The following DENND11 variants were observed in gnomAD, a reference collection of about 807,000 sequenced individuals.
The protein encoded by DENND11 is DENN domain-containing protein 11.
Under a neutral mutation model 49.2 loss-of-function variants are expected in DENND11, and 34 were observed. The observed-to-expected ratio is 0.69, with a 90% CI of 0.53 to 0.92. DENND11 has a LOEUF of 0.92. Among genes scored for constraint, DENND11 ranks in the 40% least tolerant of loss-of-function variants. The pLI, the probability that DENND11 is intolerant of heterozygous loss-of-function variation, is 0.00. For missense variants in DENND11, 475 were observed against 581.6 expected (o/e 0.82, Z 1.88); for synonymous variants, 238 against 230.3 (o/e 1.03, Z -0.30).
rs1797726754 is a variant in DENND11, at chr7:141,658,135, A to T, written c.*4521T>A. Reference sequence around the variant, plus strand: ...TTACAAAACTGCCCATTTCTTCTAGAATAATAGTTTTAAAATTTCCTTCCA... The same window carrying T: ...TTACAAAACTGCCCATTTCTTCTAGTATAATAGTTTTAAAATTTCCTTCCA... On this transcript the variant is annotated 3_prime_UTR_variant, in exon 9 of 9. Transcript: ENST00000536163. 1 of 152,230 alleles carries T rather than the reference A, an allele frequency of 6.6e-6. No homozygotes were observed. Among genetic ancestry groups the T allele is most frequent in the African/African-American group, 2.4e-5 (1 of 41,458 alleles). 9.4% of individuals were successfully genotyped at this position (152,230 alleles called of 1,614,324 possible). A position where few individuals can be genotyped will look rare whatever the true frequency, so the allele number is the denominator to read the frequency against.
chr7:141,697,502 C>T (rs1209002201), intron 1 of DENND11, among the ~76,000 whole-genome samples: 1 of 152,206 alleles, frequency 6.6e-6, no homozygotes, highest in Non-Finnish European at 1.5e-5. Context: ...GCGAGACGTT[C>T]TGGCCGGATA....
intron 4 of DENND11, among the ~76,000 whole-genome samples, chr7:141,672,066 A>G (rs138191418): frequency 7.2e-5 from 11 of 152,346 alleles, no homozygotes; most frequent in Non-Finnish European, 1.3e-4. Flanking sequence ...TTTCCTTAGC[A>G]TGCACAGCAC....
At chr7:141,701,844 C>T (rs1175566692) in intron 1 of DENND11, 42 bp downstream of exon 1, 1 of 1,162,686 alleles carries the variant, frequency 8.6e-7, no homozygotes, top group Non-Finnish European at 1.1e-6. Flanking sequence ...CTCGGGGGCA[C>T]CCCGACCCTC....
At chr7:141,697,379 C>G (rs1172203251) in intron 1 of DENND11, among the ~76,000 whole-genome samples, 8 of 152,186 alleles carry the variant, frequency 5.3e-5, no homozygotes, top group African/African-American at 1.9e-4. Context: ...TCACCAACAG[C>G]CTGGGAAAGA....
rs561124428 is a variant in DENND11, at chr7:141,660,923, A to G, written c.*1733T>C. 1.2e-3 allele frequency: 190 copies of G among 152,746 alleles called. 2 individuals are homozygous for G. Among genetic ancestry groups the G allele is most frequent in the African/African-American group, 4.3e-3 (180 of 41,578 alleles). 9.5% of individuals were successfully genotyped at this position (152,746 alleles called of 1,614,324 possible). On this transcript the variant is annotated 3_prime_UTR_variant, in exon 9 of 9. Transcript: ENST00000536163. ...GAGGAGAAAAGTCTATTAGCTGTAC[A>G]GTTTACATTTCAATGCCCAAACTTA...
At chr7:141,669,966 T>G (rs1035949687) in intron 4 of DENND11, among the ~76,000 whole-genome samples, 2 of 150,920 alleles carry the variant, frequency 1.3e-5, no homozygotes, top group Non-Finnish European at 3.0e-5. Context: ...GCCCGCCACC[T>G]CGCCCGGCTA....
Position 141,666,440 on chromosome 7 carries a change from G to A in DENND11, c.682-15C>T, listed in dbSNP as rs948635864. 2 of 1,565,774 alleles carry A rather than the reference G, an allele frequency of 1.3e-6. No homozygotes were observed. The highest frequency in any genetic ancestry group is 1.2e-5 in the South Asian group (1 of 84,726). On this transcript the variant is annotated splice_polypyrimidine_tract_variant and intron_variant, in intron 4 of 8. Coordinates refer to ENST00000536163, the MANE Select transcript of DENND11 (RefSeq NM_001080392.2). ...GGGTGTGTGATCTGAAAAAATTGAG[G>A]GGAATAGGGAGGAGAAAGAGTGAGG...
At chr7:141,697,918 A>T (rs1798442235) in intron 1 of DENND11, among the ~76,000 whole-genome samples, 1 of 152,224 alleles carries the variant, frequency 6.6e-6, no homozygotes, top group African/African-American at 2.4e-5. Flanking sequence ...GCTGAGGAAC[A>T]GGTAGAAATT....
intron 1 of DENND11, among the ~76,000 whole-genome samples, chr7:141,699,119 T>C (rs773478309): frequency 3.3e-5 from 5 of 151,900 alleles, no homozygotes; most frequent in African/African-American, 7.3e-5. Context: ...CTAATTTTGG[T>C]AAAGAAGTCA....
rs1286236741 is a variant in DENND11 at position 141,664,961 on chromosome 7, G to A, written c.1046C>T (p.Pro349Leu). 1 of 1,613,676 alleles carries A rather than the reference G, an allele frequency of 6.2e-7. No individual in the cohort carries two copies. ...NVKTHHDHLQ[P>L]LLKINSADRE... ...GTCAGCACTGTTGATCTTCAGCAGCGGCTGCAGGTGGTCGTGGTGTGTCTT... is the reference window on the plus strand; with the variant it reads ...GTCAGCACTGTTGATCTTCAGCAGCAGCTGCAGGTGGTCGTGGTGTGTCTT... Residue 349 changes from proline to leucine, a missense_variant, in exon 7 of 9, where the codon CCG (proline) becomes CTG (leucine). Coordinates refer to ENST00000536163, the MANE Select transcript of DENND11 (RefSeq NM_001080392.2).
chr7:141,666,212 GTC>G, intron 5 of DENND11, 73 bp downstream of exon 5: 10 of 1,467,918 alleles, frequency 6.8e-6, no homozygotes, highest in African/African-American at 1.4e-5. Context: ...TCCAAACTTG[GTC>G]AGTGACAGAA....
rs3800989 is a variant in DENND11 at position 141,660,785 on chromosome 7, A to G, written c.*1871T>C. On this transcript the variant is annotated 3_prime_UTR_variant, in exon 9 of 9. Transcript: ENST00000536163. ...ACCCCTCAACCCTTGAGAGGCAAGA[A>G]GAGAGGGTTGCATGTAAAGGAGAAT... The G allele has an allele frequency of 0.48, 73,431 of 152,414 alleles. 17,873 individuals are homozygous for G. The highest frequency in any genetic ancestry group is 0.57 in the East Asian group (2,964 of 5,156). The allele number at this position is 152,414 out of a possible 1,614,324, so 9.4% of individuals were successfully genotyped here.
In DENND11 at chr7:141,674,225, A is replaced by G. The variant is rs1798029957; in HGVS notation, c.528-5T>C. On this transcript the variant is annotated splice_region_variant and splice_polypyrimidine_tract_variant and intron_variant, in intron 3 of 8. Transcript: ENST00000536163. The stretch of plus-strand genomic sequence containing the variant: ...CCTGGCATCTCCAACTGGTGCCTGC[A>G]GAAAAACACACACACACACACACAC... 6.5e-7 allele frequency: 1 copy of G among 1,536,856 alleles called. No homozygotes were observed. The highest frequency in any genetic ancestry group is 1.2e-5 in the South Asian group (1 of 81,434).
chr7:141,668,498 A>C (rs1381074692), intron 4 of DENND11, among the ~76,000 whole-genome samples: 1 of 152,228 alleles, frequency 6.6e-6, no homozygotes, highest in Non-Finnish European at 1.5e-5. Context: ...AGGCAGAAGA[A>C]TTGCTTGAAT....
chr7:141,678,552 CAAT>C (rs1204230184), intron 3 of DENND11, among the ~76,000 whole-genome samples: 1 of 152,156 alleles, frequency 6.6e-6, no homozygotes. Flanking sequence ...CATCTAGCTT[CAAT>C]AATATTTGAT....
intron 4 of DENND11, among the ~76,000 whole-genome samples, chr7:141,672,078 C>T (rs577540342): frequency 1.9e-3 from 296 of 152,352 alleles, no homozygotes; most frequent in African/African-American, 5.4e-3. Flanking sequence ...GCACAGCACA[C>T]GTGGAGCCAC....
chr7:141,693,258 T>C (rs1255190940), intron 1 of DENND11, among the ~76,000 whole-genome samples: 1 of 152,236 alleles, frequency 6.6e-6, no homozygotes, highest in Non-Finnish European at 1.5e-5. Context: ...TGATGTTGAC[T>C]ATTTTTTCAT....
rs550641318 is a variant in DENND11, at chr7:141,658,584, GC to G, written c.*4071del. The G allele has an allele frequency of 2.0e-5, 3 of 152,234 alleles. No homozygotes were observed. In the South Asian group the frequency reaches 6.2e-4, roughly 32 times the overall value. The allele number at this position is 152,234 out of a possible 1,614,324, so 9.4% of individuals were successfully genotyped here. ...TATTGGTCCCCATTCTAATTGTCTT[GC>G]CCATGTTAGACCTGTCATCACACTA... On this transcript the variant is annotated 3_prime_UTR_variant, in exon 9 of 9. Transcript: ENST00000536163.
At chr7:141,701,803 C>T (rs1335180658) in intron 1 of DENND11, 83 bp downstream of exon 1, 2 of 1,077,336 alleles carry the variant, frequency 1.9e-6, no homozygotes, top group Non-Finnish European at 2.3e-6. Flanking sequence ...CAGGTGCGCG[C>T]GCAGCGAGCC....
Sources: gnomAD v4.1 joint callset for allele counts (sites outside exome capture counted in the v4.1 genomes callset) on GRCh38, gnomAD v4.1.1 for gene constraint, MANE v1.5 for transcripts, NCBI Gene and HGNC (gene_info 2026-07-23, HGNC 2026-07-21) for gene names.